SMG6: variants seen among roughly 807,000 people sequenced by gnomAD.
SMG6 encodes the protein telomerase-binding protein EST1A.
SMG6 carries 66 observed loss-of-function variants against 142.2 expected under a neutral mutation model. The ratio of observed to expected loss-of-function variants is 0.46; its 90% CI spans 0.38 to 0.57. The LOEUF (loss-of-function observed/expected upper bound fraction) is 0.57. SMG6 is among the 20% of genes least tolerant of loss of function. The pLI, the probability that SMG6 is intolerant of heterozygous loss-of-function variation, is 0.00. For missense variants in SMG6, 1,793 were observed against 1,832.0 expected, an observed-to-expected ratio of 0.98 and a Z score of 0.39; for synonymous variants, 779 against 702.4, an observed-to-expected ratio of 1.11 and a Z score of -1.72.
chr17:2,279,470 T>G (rs755029398), intron 8 of SMG6, among the ~76,000 whole-genome samples: 4 of 152,102 alleles, frequency 2.6e-5, no homozygotes, highest in Non-Finnish European at 5.9e-5. Context: ...TGATCAGAAA[T>G]GGATATTTGG....
At chr17:2,088,229 C>A in intron 13 of SMG6, 1 of 985,346 alleles carries the variant, frequency 1.0e-6, no homozygotes, top group African/African-American at 1.7e-5. Context: ...TGGTATGCTG[C>A]GTGGCTAAGA....
At chr17:2,198,559 T>G (rs1224588991) in intron 10 of SMG6, among the ~76,000 whole-genome samples, 1 of 152,114 alleles carries the variant, frequency 6.6e-6, no homozygotes. Flanking sequence ...TGATATATAC[T>G]AAAGCTATGC....
intron 13 of SMG6, among the ~76,000 whole-genome samples, chr17:2,155,134 C>A (rs1374754568): frequency 6.6e-6 from 1 of 151,334 alleles, no homozygotes; most frequent in African/African-American, 2.4e-5. Context: ...CTCACTGCAA[C>A]CTCCACCTTG....
At chr17:2,264,708 C>T (rs1031717622) in intron 8 of SMG6, among the ~76,000 whole-genome samples, 2 of 151,736 alleles carry the variant, frequency 1.3e-5, no homozygotes, top group African/African-American at 4.8e-5. Flanking sequence ...TTGAGACCAG[C>T]CTGACCCACA....
Position 2,130,266 on chromosome 17 carries a change from C to CA in SMG6, c.3357+42391dup, listed in dbSNP as rs903007543. 3.3e-3 allele frequency among the ~76,000 whole-genome samples: 129 copies of CA among 39,452 alleles called. 19 individuals carry two copies. Among genetic ancestry groups the CA allele is most frequent in the South Asian group, 0.019 (17 of 912 alleles). 25.9% of individuals were successfully genotyped at this position (39,452 alleles called of 152,430 possible). A position where few individuals can be genotyped will look rare whatever the true frequency, so the allele number is the denominator to read the frequency against. ...TGGGCGACAGAGCGAGACTCCGTCT[C>CA]AAAAAAAAAAAAAAAAAAGAAACAG... On this transcript the variant is annotated intron_variant, in intron 13 of 18. Coordinates refer to ENST00000263073, the MANE Select transcript of SMG6 (RefSeq NM_017575.5).
chr17:2,085,787 G>T lies in SMG6; in HGVS notation c.3472C>A (p.Pro1158Thr), dbSNP rs748930118. The change falls in exon 14 of 19, where the codon CCC becomes ACC. Residue 1158 changes from proline (P) to threonine (T), a missense_variant. Pro to Thr is a conservative substitution (Grantham distance 38). This residue lies in a region of SMG6 where 1,597 missense variants were observed against 1,584.6 expected (regional missense o/e 1.01). Coordinates refer to ENST00000263073, the MANE Select transcript of SMG6 (RefSeq NM_017575.5). This position sits in a 1 kb window ranked among gnomAD's most constrained non-coding sequence, Gnocchi z 4.1. ...FKGGKYVSVA[P>T]VPDTMGKEMG... ...TCCTTTCCCATGGTGTCTGGGACGG[G>T]TGCCACTGACACATACTTTCCACCC... The T allele has an allele frequency of 7.4e-6, 12 of 1,614,188 alleles. No individual in the cohort carries two copies. The highest frequency in any genetic ancestry group is 1.0e-5 in the Non-Finnish European group (12 of 1,180,028).
At chr17:2,213,416 C>A (rs1269276878) in intron 10 of SMG6, among the ~76,000 whole-genome samples, 1 of 152,156 alleles carries the variant, frequency 6.6e-6, no homozygotes, top group Non-Finnish European at 1.5e-5. Flanking sequence ...GGCCTCTCAG[C>A]GCTAGGCCCT....
chr17:2,085,938 T>C lies in SMG6; in HGVS notation c.3358-37A>G. 1 of 1,603,300 alleles carries C rather than the reference T, an allele frequency of 6.2e-7. No individual in the cohort carries two copies. Among genetic ancestry groups the C allele is most frequent in the Non-Finnish European group, 8.5e-7 (1 of 1,171,284 alleles). ...GAGGGAGAGAAGAAAAACAGCATTT[T>C]CTGAAAGGGAAGATGGAGACGAGAT... On this transcript the variant is annotated intron_variant, in intron 13 of 18. Coordinates refer to ENST00000263073, the MANE Select transcript of SMG6 (RefSeq NM_017575.5). This position sits in a 1 kb window ranked among gnomAD's most constrained non-coding sequence, Gnocchi z 4.1.
chr17:2,092,943 C>T (rs1401616020), intron 13 of SMG6, among the ~76,000 whole-genome samples: 1 of 152,164 alleles, frequency 6.6e-6, no homozygotes, highest in African/African-American at 2.4e-5. Flanking sequence ...TGCCTGTAAT[C>T]GCAGCACTTG....
chr17:2,240,651 C>A (rs1243885445), intron 9 of SMG6, among the ~76,000 whole-genome samples: 1 of 152,170 alleles, frequency 6.6e-6, no homozygotes, highest in Non-Finnish European at 1.5e-5. Flanking sequence ...CTTTTTGGCA[C>A]TGAATATTTC....
At chr17:2,279,210 C>A (rs2074727912) in intron 8 of SMG6, among the ~76,000 whole-genome samples, 1 of 152,248 alleles carries the variant, frequency 6.6e-6, no homozygotes, top group East Asian at 1.9e-4. Flanking sequence ...GGCAGAAATA[C>A]CAGTGAGAGG....
rs183831269 is a variant in SMG6 at position 2,175,383 on chromosome 17, G to A, written c.3156-2524C>T. ...CATCCCCAGCCAGAGAGAGGCGGCC[G>A]AAAATTACCCACGGCTGCCACAGTG... is the stretch of plus-strand genomic sequence containing the variant. On this transcript the variant is annotated intron_variant, in intron 12 of 18. Transcript: ENST00000263073. 3.8e-4 allele frequency among the ~76,000 whole-genome samples: 57 copies of A among 151,994 alleles called. 1 individual carries two copies. In the East Asian group the frequency reaches 0.01, roughly 28 times the overall value.
chr17:2,173,133 A>G (rs1597519635), intron 12 of SMG6: 1 of 448,584 alleles, frequency 2.2e-6, no homozygotes, highest in East Asian at 4.4e-5. Flanking sequence ...TCAGTTGCCT[A>G]ATGCAGGGTC....
At chr17:2,236,420 G>T (rs182339905) in intron 10 of SMG6, 72 bp downstream of exon 10, 1 of 1,504,918 alleles carries the variant, frequency 6.6e-7, no homozygotes, top group East Asian at 2.3e-5. Flanking sequence ...GGTAGGTATG[G>T]TAACACAAGA....
At chr17:2,130,300 T>C (rs1160348626) in intron 13 of SMG6, among the ~76,000 whole-genome samples, 1 of 149,076 alleles carries the variant, frequency 6.7e-6, no homozygotes, top group Non-Finnish European at 1.5e-5. Flanking sequence ...AGCATTTATA[T>C]TCATACCATT....
chr17:2,278,353 C>A (rs945215314), intron 8 of SMG6, among the ~76,000 whole-genome samples: 1 of 152,032 alleles, frequency 6.6e-6, no homozygotes, highest in Non-Finnish European at 1.5e-5. Flanking sequence ...CAGGCAGACA[C>A]CACTATGCCC....
At chr17:2,291,331 A>AG (rs1491324726) in intron 6 of SMG6, among the ~76,000 whole-genome samples, 6 of 151,600 alleles carry the variant, frequency 4.0e-5, no homozygotes, top group African/African-American at 1.5e-4. Flanking sequence ...ACTCCGTCTC[A>AG]GAAAAAAAAA....
chr17:2,264,218 C>T (rs2074374778), intron 8 of SMG6, among the ~76,000 whole-genome samples: 2 of 152,210 alleles, frequency 1.3e-5, no homozygotes, highest in Admixed American at 1.3e-4. Flanking sequence ...AGTACCCCCT[C>T]ACGTACATTC....
intron 16 of SMG6, chr17:2,066,063 C>T: frequency 4.1e-6 from 1 of 244,110 alleles, no homozygotes; most frequent in South Asian, 5.7e-5. Context: ...GGGAGGCGTC[C>T]TTCCTTAACT....
Sources: gnomAD v4.1 joint callset for allele counts (sites outside exome capture counted in the v4.1 genomes callset) on GRCh38, gnomAD v4.1.1 for gene constraint, gnomAD v4.1.1 regional missense constraint, Gnocchi (gnomAD v3.1) non-coding constraint, MANE v1.5 for transcripts, NCBI Gene and HGNC (gene_info 2026-07-23, HGNC 2026-07-21) for gene names.